CTNNBL1: variants seen among roughly 807,000 people sequenced by gnomAD.
CTNNBL1 encodes the protein catenin beta like 1, also known as beta-catenin-like protein 1.
In CTNNBL1, 31 loss-of-function variants were observed where a neutral mutation model predicts 72.7. That is an observed-to-expected ratio of 0.43 (90% CI 0.32 to 0.58). The LOEUF (loss-of-function observed/expected upper bound fraction) is 0.58, where lower values mean the gene tolerates loss of function less well. CTNNBL1 is among the 20% of genes least tolerant of loss of function. The pLI, the probability that CTNNBL1 is intolerant of heterozygous loss-of-function variation, is 0.08. For missense variants in CTNNBL1, 534 were observed against 725.1 expected, an observed-to-expected ratio of 0.74 and a Z score of 3.03; for synonymous variants, 240 against 267.3, an observed-to-expected ratio of 0.90 and a Z score of 1.00.
At chr20:37,734,501 G>C (rs1207849633) in intron 2 of CTNNBL1, among the ~76,000 whole-genome samples, 1 of 152,186 alleles carries the variant, frequency 6.6e-6, no homozygotes, top group Non-Finnish European at 1.5e-5. Flanking sequence ...GGAGGATTAG[G>C]ATAGTAGCTG....
At chr20:37,793,145 G>A (rs1398988289) in intron 10 of CTNNBL1, among the ~76,000 whole-genome samples, 1 of 152,202 alleles carries the variant, frequency 6.6e-6, no homozygotes, top group East Asian at 1.9e-4. Flanking sequence ...AATAGGTTAA[G>A]TTGCTGATCA....
intron 1 of CTNNBL1, chr20:37,727,233 C>A: frequency 5.2e-6 from 2 of 384,754 alleles, no homozygotes; most frequent in Non-Finnish European, 7.1e-6. Context: ...GTATCCTAGG[C>A]AGATTGCTTA....
At chr20:37,752,401 T>C (rs568670213) in intron 4 of CTNNBL1, among the ~76,000 whole-genome samples, 2 of 152,346 alleles carry the variant, frequency 1.3e-5, no homozygotes, top group South Asian at 2.1e-4. Flanking sequence ...ATCTAATTAC[T>C]GTCCTAGTCT....
At chr20:37,747,309 A>G (rs2073275333) in intron 4 of CTNNBL1, among the ~76,000 whole-genome samples, 1 of 137,056 alleles carries the variant, frequency 7.3e-6, no homozygotes, top group African/African-American at 2.7e-5. Context: ...TGGGAGGCAG[A>G]GGTTGCAGTG....
intron 1 of CTNNBL1, among the ~76,000 whole-genome samples, chr20:37,720,225 T>G (rs1450428021): frequency 1.3e-5 from 2 of 152,084 alleles, no homozygotes; most frequent in African/African-American, 4.8e-5. Flanking sequence ...AGAGGGGGTT[T>G]CACCATGTTA....
At chr20:37,838,453 G>A (rs1184807419) in intron 11 of CTNNBL1, among the ~76,000 whole-genome samples, 2 of 152,236 alleles carry the variant, frequency 1.3e-5, no homozygotes, top group Non-Finnish European at 2.9e-5. Context: ...CTCGTGGGAT[G>A]TGAGAAAGAA....
intron 11 of CTNNBL1, among the ~76,000 whole-genome samples, chr20:37,809,080 C>G (rs1328131345): frequency 6.6e-6 from 1 of 152,118 alleles, no homozygotes; most frequent in East Asian, 1.9e-4. Flanking sequence ...CTGCTTTAGT[C>G]TCCCAATTCT....
intron 13 of CTNNBL1, among the ~76,000 whole-genome samples, chr20:37,857,072 G>A (rs753092021): frequency 6.6e-6 from 1 of 152,210 alleles, no homozygotes; most frequent in Non-Finnish European, 1.5e-5. Flanking sequence ...GCTTTGGTTT[G>A]TAATTCATAC....
In CTNNBL1 at chr20:37,854,283, G is replaced by GA. The variant is rs548709276; in HGVS notation, c.1393-5610dup. Among the ~76,000 whole-genome samples the GA allele has an allele frequency of 2.4e-3, 361 of 152,106 alleles. 4 individuals are homozygous for GA. The highest frequency in any genetic ancestry group is 8.3e-3 in the African/African-American group (343 of 41,506). ...GATGATGGAGAAAAGTATGAAAATGGAAAAAATCACCAGGGGTACTTCTGA... is the reference window on the plus strand; with the variant it reads ...GATGATGGAGAAAAGTATGAAAATGGAAAAAAATCACCAGGGGTACTTCTGA... On this transcript the variant is annotated intron_variant, in intron 13 of 15. Coordinates refer to ENST00000361383, the MANE Select transcript of CTNNBL1 (RefSeq NM_030877.5).
At chr20:37,798,731 C>T (rs2073799705) in intron 10 of CTNNBL1, among the ~76,000 whole-genome samples, 1 of 152,136 alleles carries the variant, frequency 6.6e-6, no homozygotes. Context: ...CTTGGCTACA[C>T]CAGAGTCTTT....
chr20:37,702,557 T>G (rs772215166), intron 1 of CTNNBL1, among the ~76,000 whole-genome samples: 1 of 152,238 alleles, frequency 6.6e-6, no homozygotes, highest in Non-Finnish European at 1.5e-5. Context: ...TTGAAGTTAC[T>G]TTTTGTTGGA....
chr20:37,734,526 T>C (rs1277364973), intron 2 of CTNNBL1, among the ~76,000 whole-genome samples: 1 of 152,132 alleles, frequency 6.6e-6, no homozygotes, highest in Non-Finnish European at 1.5e-5. Context: ...GGGTAAGTGG[T>C]TTCTAGCCTG....
At chr20:37,807,188 G>T (rs2071967486) in intron 11 of CTNNBL1, among the ~76,000 whole-genome samples, 1 of 152,176 alleles carries the variant, frequency 6.6e-6, no homozygotes. Context: ...GGCCGCACTT[G>T]TCCTATCTGT....
chr20:37,718,635 G>A (rs1348791631), intron 1 of CTNNBL1, among the ~76,000 whole-genome samples: 2 of 152,194 alleles, frequency 1.3e-5, no homozygotes, highest in East Asian at 1.9e-4. Flanking sequence ...GGCCAGGCGG[G>A]GGGCTGACCA....
intron 4 of CTNNBL1, among the ~76,000 whole-genome samples, chr20:37,748,618 G>C (rs569944529): frequency 6.6e-6 from 1 of 152,322 alleles, no homozygotes; most frequent in East Asian, 1.9e-4. Flanking sequence ...CGTAAACTGG[G>C]TGGCTTATAA....
chr20:37,770,474 C>T (rs958777918), intron 7 of CTNNBL1, among the ~76,000 whole-genome samples: 1 of 151,768 alleles, frequency 6.6e-6, no homozygotes, highest in Non-Finnish European at 1.5e-5. Context: ...TCTGTTATGT[C>T]GGGACAGATT....
intron 4 of CTNNBL1, chr20:37,756,527 TATA>T (rs1385160755): frequency 6.6e-6 from 1 of 152,016 alleles, no homozygotes; most frequent in Non-Finnish European, 1.5e-5. Context: ...AAAGGAAACT[TATA>T]AGTTTAGTTC....
intron 2 of CTNNBL1, among the ~76,000 whole-genome samples, chr20:37,735,322 CTAGCAATGGGAGTCT>C (rs1341662899): frequency 1.4e-4 from 21 of 152,180 alleles, no homozygotes; most frequent in Admixed American, 9.2e-4. Flanking sequence ...TAGACATGGG[CTAGCAATGGGAGTCT>C]TTGCACTGGT....
chr20:37,808,626 T>C (rs1209552041), intron 11 of CTNNBL1, among the ~76,000 whole-genome samples: 1 of 152,190 alleles, frequency 6.6e-6, no homozygotes, highest in Non-Finnish European at 1.5e-5. Context: ...GCATTCGTTT[T>C]TGAATAGATT....
Sources: allele counts gnomAD v4.1 joint callset (sites outside exome capture counted in the v4.1 genomes callset), GRCh38; gene constraint gnomAD v4.1.1; transcripts MANE v1.5; gene names NCBI Gene and HGNC (gene_info 2026-07-23, HGNC 2026-07-21).